The following CARMIL1 variants were observed in gnomAD, a reference collection of about 807,000 sequenced individuals.
CARMIL1 encodes F-actin-uncapping protein LRRC16A.
In CARMIL1, 90 loss-of-function variants were observed where a neutral mutation model predicts 177.1. The observed-to-expected ratio is 0.51, with a 90% CI of 0.43 to 0.61. The LOEUF (loss-of-function observed/expected upper bound fraction) is 0.61. Ranked by LOEUF, CARMIL1 falls within the 20% of genes least tolerant of loss-of-function variation. The probability of loss-of-function intolerance (pLI) is 0.00; values close to 1 mark genes in which losing one functional copy is unlikely to be tolerated. For missense variants in CARMIL1, 1,380 were observed against 1,667.0 expected (o/e 0.83, Z 3.00); for synonymous variants, 577 against 606.2 (o/e 0.95, Z 0.71).
chr6:25,527,631 T>C (rs190158755), intron 23 of CARMIL1: 6 of 416,560 alleles, frequency 1.4e-5, no homozygotes, highest in African/African-American at 1.0e-4. Context: ...GAGAAAGTAA[T>C]GTAATATACT....
At chr6:25,391,158 T>C (rs948859551) in intron 2 of CARMIL1, among the ~76,000 whole-genome samples, 10 of 152,230 alleles carry the variant, frequency 6.6e-5, no homozygotes, top group African/African-American at 2.2e-4. Context: ...CTACAAGAAA[T>C]AGTATTTTTC....
intron 2 of CARMIL1, among the ~76,000 whole-genome samples, chr6:25,352,836 A>G (rs530999715): frequency 7.0e-4 from 107 of 152,326 alleles, no homozygotes; most frequent in Non-Finnish European, 1.3e-3. Context: ...AATCAGTCAG[A>G]TAGTATATGT....
rs186594144 is a variant in CARMIL1 at position 25,539,518 on chromosome 6, G to T, written c.2197-429G>T. 3.5e-4 allele frequency among the ~76,000 whole-genome samples: 53 copies of T among 151,222 alleles called. No individual in the cohort carries two copies. In the East Asian group the frequency reaches 6.3e-3, roughly 18 times the overall value. ...TATGTGCCTGTAATCCCAGCTTCTC[G>T]GGAGACTGAGACAGGAGAATCGCTT... On this transcript the variant is annotated intron_variant, in intron 25 of 36. Transcript: ENST00000329474.
At chr6:25,609,398 G>A (rs542942393) in intron 35 of CARMIL1, among the ~76,000 whole-genome samples, 64 of 151,634 alleles carry the variant, frequency 4.2e-4, no homozygotes, top group South Asian at 2.3e-3. Context: ...CCCAGGAGGC[G>A]GAGGTTGCAG....
chr6:25,619,826 G>T lies in CARMIL1; in HGVS notation c.*243G>T, dbSNP rs1173236839. ...TTGTTTGGTCTTCCTCCAACCCTTT[G>T]CATTTGATTTCTAAACATTCCTTCA... On this transcript the variant is annotated 3_prime_UTR_variant, in exon 37 of 37. Coordinates refer to ENST00000329474, the MANE Select transcript of CARMIL1 (RefSeq NM_017640.6). 2 of 231,560 alleles carry T rather than the reference G, an allele frequency of 8.6e-6. No homozygotes were observed. The highest frequency in any genetic ancestry group is 3.0e-5 in the African/African-American group (1 of 32,842). The allele number at this position is 231,560 out of a possible 1,614,324, so 14.3% of individuals were successfully genotyped here. A position where few individuals can be genotyped will look rare whatever the true frequency, so the allele number is the denominator to read the frequency against.
intron 2 of CARMIL1, among the ~76,000 whole-genome samples, chr6:25,390,316 A>ATT (rs1316087000): frequency 0.011 from 477 of 42,110 alleles, 6 homozygotes; most frequent in South Asian, 0.027. Flanking sequence ...ATATATATAT[A>ATT]TATATTTTTT....
At chr6:25,541,092 C>A (rs528074621) in intron 26 of CARMIL1, among the ~76,000 whole-genome samples, 4 of 152,176 alleles carry the variant, frequency 2.6e-5, no homozygotes, top group Non-Finnish European at 1.5e-5. Context: ...TTGTTTTATC[C>A]TGCATGAAGG....
intron 8 of CARMIL1, among the ~76,000 whole-genome samples, chr6:25,462,982 C>T (rs1367124102): frequency 6.6e-6 from 1 of 152,068 alleles, no homozygotes; most frequent in Non-Finnish European, 1.5e-5. Context: ...ACATAAGAAG[C>T]CTAGGCATTA....
intron 2 of CARMIL1, among the ~76,000 whole-genome samples, chr6:25,381,542 G>A (rs543252681): frequency 9.2e-5 from 14 of 152,226 alleles, no homozygotes; most frequent in Admixed American, 9.2e-4. Flanking sequence ...GTTTCTATGA[G>A]CCCCACTCTT....
intron 9 of CARMIL1, among the ~76,000 whole-genome samples, 194 bp from the exon 10 acceptor site, chr6:25,470,975 C>T (rs1343519769): frequency 2.0e-5 from 3 of 152,148 alleles, no homozygotes; most frequent in Admixed American, 6.5e-5. Context: ...TCTTGAAGGC[C>T]GGGACTTTCT....
At chr6:25,352,717 A>G (rs958805458) in intron 2 of CARMIL1, among the ~76,000 whole-genome samples, 2 of 152,174 alleles carry the variant, frequency 1.3e-5, no homozygotes, top group African/African-American at 4.8e-5. Flanking sequence ...GGCAAGTCTT[A>G]TATTTCCCAC....
At chr6:25,379,112 T>C (rs1332263722) in intron 2 of CARMIL1, among the ~76,000 whole-genome samples, 1 of 152,210 alleles carries the variant, frequency 6.6e-6, no homozygotes, top group Non-Finnish European at 1.5e-5. Context: ...TTTTGAGACT[T>C]AAATAAGATA....
intron 24 of CARMIL1, among the ~76,000 whole-genome samples, chr6:25,531,235 T>C (rs1263490312): frequency 6.6e-6 from 1 of 152,224 alleles, no homozygotes; most frequent in African/African-American, 2.4e-5. Context: ...AAGAATTGAC[T>C]AGTAGGGAAA....
At chr6:25,286,606 A>G (rs1214203250) in intron 2 of CARMIL1, among the ~76,000 whole-genome samples, 2 of 152,164 alleles carry the variant, frequency 1.3e-5, no homozygotes, top group African/African-American at 2.4e-5. Flanking sequence ...TGTTTCTGTC[A>G]TTTGCTTTTT....
chr6:25,402,195 T>C (rs1000707859), intron 2 of CARMIL1, among the ~76,000 whole-genome samples: 6 of 152,072 alleles, frequency 3.9e-5, no homozygotes, highest in African/African-American at 1.4e-4. Flanking sequence ...AAGAGATAAC[T>C]GATGTCAGAG....
At chr6:25,544,845 AAGTT>A in intron 26 of CARMIL1, among the ~76,000 whole-genome samples, 1 of 152,316 alleles carries the variant, frequency 6.6e-6, no homozygotes, top group East Asian at 1.9e-4. Context: ...AGTTAGTAGA[AAGTT>A]AGTTAAAGCA....
rs184530305 is a variant in CARMIL1 at position 25,535,300 on chromosome 6, A to G, written c.2068-2555A>G. On this transcript the variant is annotated intron_variant, in intron 24 of 36. Transcript: ENST00000329474. ...GAACTGTGTCAGCGTAGGCATGGGA[A>G]AAGGAGCTGGGAATGTTAAACCTGA... 2.5e-3 allele frequency among the ~76,000 whole-genome samples: 380 copies of G among 152,256 alleles called. 1 individual carries two copies. The highest frequency in any genetic ancestry group is 2.9e-3 in the South Asian group (14 of 4,816).
intron 2 of CARMIL1, among the ~76,000 whole-genome samples, chr6:25,311,048 G>A (rs1040768935): frequency 6.8e-6 from 1 of 146,168 alleles, no homozygotes; most frequent in African/African-American, 2.7e-5. Flanking sequence ...CGGGTGTGGT[G>A]GTGGGCGCCT....
intron 16 of CARMIL1, among the ~76,000 whole-genome samples, chr6:25,496,890 T>A (rs1054956283): frequency 6.6e-6 from 1 of 152,238 alleles, no homozygotes; most frequent in Admixed American, 6.5e-5. Flanking sequence ...TGTTGGTTAA[T>A]GTGACTGATT....
Sources: allele counts gnomAD v4.1 joint callset (sites outside exome capture counted in the v4.1 genomes callset), GRCh38; gene constraint gnomAD v4.1.1; transcripts MANE v1.5; gene names NCBI Gene and HGNC (gene_info 2026-07-23, HGNC 2026-07-21).